BMPER: variants seen among roughly 807,000 people sequenced by gnomAD.
The protein encoded by BMPER is BMP binding endothelial regulator.
In BMPER, 45 loss-of-function variants were observed where a neutral mutation model predicts 87.3. The observed-to-expected ratio is 0.52, with a 90% CI of 0.41 to 0.66. BMPER has a LOEUF of 0.66. BMPER is among the 30% of genes least tolerant of loss of function. BMPER has a pLI of 0.00. For missense variants in BMPER, 784 were observed against 867.5 expected, an observed-to-expected ratio of 0.90 and a Z score of 1.21; for synonymous variants, 326 against 316.2, an observed-to-expected ratio of 1.03 and a Z score of -0.33.
At chr7:34,035,862 A>T (rs998762061) in intron 6 of BMPER, among the ~76,000 whole-genome samples, 5 of 152,218 alleles carry the variant, frequency 3.3e-5, no homozygotes, top group African/African-American at 1.2e-4. Flanking sequence ...AAACTATTTT[A>T]GGTAGCCAGA....
At chr7:34,147,494 G>A (rs1003980106) in intron 14 of BMPER, among the ~76,000 whole-genome samples, 15 of 152,156 alleles carry the variant, frequency 9.9e-5, no homozygotes, top group Middle Eastern at 3.2e-3. Context: ...TTTTGAGACG[G>A]AGTTTTGCTC....
intron 13 of BMPER, among the ~76,000 whole-genome samples, chr7:34,121,939 A>T (rs1234836930): frequency 1.4e-5 from 2 of 146,640 alleles, no homozygotes; most frequent in Non-Finnish European, 3.0e-5. Context: ...TGGGCAACAT[A>T]TTGAGACCCC....
rs1329797309 is a variant in BMPER at position 33,990,545 on chromosome 7, A to G, written c.576+15761A>G. On this transcript the variant is annotated intron_variant, in intron 6 of 14. Coordinates refer to ENST00000649409, the MANE Select transcript of BMPER (RefSeq NM_001365308.1). ...GACAATGGGGTTTTCTAGATATACA[A>G]TCATGTCATCTGCAAACAGGGACAA... 6.6e-5 allele frequency among the ~76,000 whole-genome samples: 10 copies of G among 150,920 alleles called. No homozygotes were observed. In the East Asian group the frequency reaches 9.8e-4, roughly 15 times the overall value.
rs867589039 is a variant in BMPER, at chr7:34,078,862, G to A, written c.1084G>A (p.Gly362Ser). 6.8e-6 allele frequency: 11 copies of A among 1,613,944 alleles called. No homozygotes were observed. The highest frequency in any genetic ancestry group is 6.7e-5 in the Admixed American group (4 of 59,992). The change falls in exon 12 of 15, where the codon GGC (glycine) becomes AGC (serine). Residue 362 changes from glycine (G) to serine (S), a missense_variant. Gly to Ser is a moderately conservative substitution (Grantham distance 56, BLOSUM62 0). Transcript: ENST00000649409. ...GCCPICTEKPGVCTVFGDPHY... is the reference protein window; with the variant it reads ...GCCPICTEKPSVCTVFGDPHY... ...TGTCTCTCACTCCTCCGCAGAGCCC[G>A]GCGTTTGCACGGTGTTTGGAGATCC...
At chr7:34,024,382 ACAATATATATATATATATAT>A (rs1562695161) in intron 6 of BMPER, among the ~76,000 whole-genome samples, 1 of 52,548 alleles carries the variant, frequency 1.9e-5, no homozygotes, top group African/African-American at 1.1e-4. Flanking sequence ...AAAAAAAAAA[ACAATATATATATATATATAT>A]ATATATATAT....
intron 11 of BMPER, among the ~76,000 whole-genome samples, chr7:34,066,701 A>T (rs544686803): frequency 1.4e-4 from 21 of 152,290 alleles, no homozygotes; most frequent in African/African-American, 5.1e-4. Flanking sequence ...TAACCACCCA[A>T]CAGAGACCTG....
rs745446768 is a variant in BMPER at position 34,153,173 on chromosome 7, G to A, written c.1958G>A (p.Gly653Asp). Reference sequence around the variant, plus strand: ...ACGTGTGACAACTGGAATGAAATTGGTCCATGCAACAAGCCGTGCGTTGCT... The same window carrying A: ...ACGTGTGACAACTGGAATGAAATTGATCCATGCAACAAGCCGTGCGTTGCT... The part of the protein sequence containing the change: ...IKTCDNWNEI[G>D]PCNKPCVAGC... The change falls in exon 15 of 15, where the codon GGT becomes GAT. Residue 653 changes from glycine (G) to aspartate (D), a missense_variant. Physicochemically the swap from Gly to Asp is moderately conservative, Grantham distance 94 (BLOSUM62 -1). Transcript: ENST00000649409. 17 of 1,613,886 alleles carry A rather than the reference G, an allele frequency of 1.1e-5. No homozygotes were observed. The highest frequency in any genetic ancestry group is 4.0e-5 in the African/African-American group (3 of 74,896).
intron 14 of BMPER, among the ~76,000 whole-genome samples, chr7:34,145,623 G>A (rs1790997267): frequency 6.6e-6 from 1 of 152,026 alleles, no homozygotes; most frequent in South Asian, 2.1e-4. Flanking sequence ...CCTTTCCCTT[G>A]AATTTACTGG....
At chr7:34,019,290 C>T (rs774788629) in intron 6 of BMPER, among the ~76,000 whole-genome samples, 9 of 151,980 alleles carry the variant, frequency 5.9e-5, no homozygotes, top group Non-Finnish European at 5.9e-5. Flanking sequence ...CAGACAGCTA[C>T]GATTCAGAGG....
chr7:33,971,670 G>C (rs958327464), intron 5 of BMPER, among the ~76,000 whole-genome samples: 7 of 152,150 alleles, frequency 4.6e-5, no homozygotes, highest in Non-Finnish European at 7.4e-5. Context: ...GCACACCAGA[G>C]TCACCTGAAA....
chr7:33,970,366 T>C lies in BMPER; in HGVS notation c.440T>C (p.Val147Ala). 2 of 1,614,162 alleles carry C rather than the reference T, an allele frequency of 1.2e-6. No homozygotes were observed. The highest frequency in any genetic ancestry group is 8.5e-7 in the Non-Finnish European group (1 of 1,180,010). The change falls in exon 5 of 15, where the codon GTT becomes GCT. Residue 147 changes from valine (V) to alanine (A), a missense_variant. Physicochemically the swap from Val to Ala is moderately conservative, Grantham distance 64. Transcript: ENST00000649409. Reference sequence around the variant, plus strand: ...ACAGAGTCTGGGGTGCGCTGTGTTGTTCATTGTAAAAACCCTTTGGAGCAT... The same window carrying C: ...ACAGAGTCTGGGGTGCGCTGTGTTGCTCATTGTAAAAACCCTTTGGAGCAT... The part of the protein sequence containing the change: ...VVTESGVRCV[V>A]HCKNPLEHLG...
upstream of BMPER, among the ~76,000 whole-genome samples, chr7:33,905,303 C>G (rs574779300): frequency 6.6e-6 from 1 of 151,848 alleles, no homozygotes; most frequent in Non-Finnish European, 1.5e-5. Context: ...TTCCTCCTGG[C>G]CCCCTCTCCG....
intron 7 of BMPER, among the ~76,000 whole-genome samples, chr7:34,048,506 C>A (rs1053299178): frequency 6.6e-6 from 1 of 152,178 alleles, no homozygotes; most frequent in Non-Finnish European, 1.5e-5. Flanking sequence ...TTAGCCAGTT[C>A]AGTGTGGCAC....
chr7:34,036,160 C>T (rs532844094), intron 6 of BMPER, among the ~76,000 whole-genome samples: 24 of 152,238 alleles, frequency 1.6e-4, no homozygotes, highest in African/African-American at 5.5e-4. Flanking sequence ...GGAAGCGGGC[C>T]AGGCTGTAGA....
chr7:34,016,193 C>G (rs1021833631), intron 6 of BMPER, among the ~76,000 whole-genome samples: 1 of 151,820 alleles, frequency 6.6e-6, no homozygotes, highest in African/African-American at 2.4e-5. Flanking sequence ...GAAAATAATG[C>G]GATGTTTGCC....
At chr7:33,909,150 A>G (rs1783891944) in intron 2 of BMPER, among the ~76,000 whole-genome samples, 1 of 152,146 alleles carries the variant, frequency 6.6e-6, no homozygotes, top group African/African-American at 2.4e-5. Context: ...TATTTCATTT[A>G]ATCTTCACAA....
chr7:33,905,436 T>TCCCCCCCCCCCCCCCCCCCCCCC, upstream of BMPER: 4 of 20,338 alleles, frequency 2.0e-4, no homozygotes, highest in South Asian at 5.0e-4. Context: ...CACCTTGGTC[T>TCCCCCCCCCCCCCCCCCCCCCCC]CTCCCCCCGC....
chr7:34,033,604 C>G (rs1031470443), intron 6 of BMPER, among the ~76,000 whole-genome samples: 1 of 152,230 alleles, frequency 6.6e-6, no homozygotes, highest in African/African-American at 2.4e-5. Context: ...TTCTGAACTT[C>G]TATGTCCCTT....
chr7:33,935,416 G>C (rs1222879704), intron 2 of BMPER, among the ~76,000 whole-genome samples: 1 of 152,112 alleles, frequency 6.6e-6, no homozygotes, highest in Non-Finnish European at 1.5e-5. Context: ...AGATTAACCA[G>C]ATCTGAGCTT....
Sources: allele counts gnomAD v4.1 joint callset (sites outside exome capture counted in the v4.1 genomes callset), GRCh38; gene constraint gnomAD v4.1.1; transcripts MANE v1.5; gene names NCBI Gene and HGNC (gene_info 2026-07-23, HGNC 2026-07-21).